MALRD1: variants seen among roughly 807,000 people sequenced by gnomAD.
MALRD1 encodes MAM and LDL-receptor class A domain-containing protein 1.
A neutral mutation model predicts 242.1 loss-of-function variants in MALRD1; 247 were observed. The observed-to-expected ratio is 1.02, with a 90% CI of 0.92 to 1.13. MALRD1 has a LOEUF of 1.13. Ranked by LOEUF, MALRD1 falls within the 50% of genes most tolerant of loss-of-function variation. MALRD1 has a pLI of 0.00. For synonymous variants in MALRD1, 995 were observed against 866.6 expected (o/e 1.15, Z -2.60); for missense variants, 2,989 against 2,533.1 (o/e 1.18, Z -3.86).
chr10:19,203,637 A>G (rs7902704), intron 14 of MALRD1, 91 bp from the exon 15 acceptor site: 371 of 1,295,308 alleles, frequency 2.9e-4, no homozygotes, highest in Non-Finnish European at 3.3e-4. Flanking sequence ...ATACAGAAGC[A>G]TAATAAGGTG....
chr10:19,128,281 C>T lies in MALRD1; in HGVS notation c.1004C>T (p.Ala335Val). Residue 335 changes from alanine (A) to valine (V), a missense_variant, in exon 8 of 40, where the codon GCT (alanine) becomes GTT (valine). By Grantham distance (64) the Ala-to-Val change is moderately conservative. Transcript: ENST00000454679. ...ACTCTTAACCATTTAGACAGCAGGG[C>T]TTACCTAAATAGCTCTGTGTGTCAT... The part of the protein sequence containing the change: ...GFTLNHLDSR[A>V]YLNSSVCHCL... The T allele has an allele frequency of 8.1e-7, 1 of 1,233,436 alleles. No homozygotes were observed. Among genetic ancestry groups the T allele is most frequent in the Non-Finnish European group, 1.0e-6 (1 of 987,792 alleles). 76.4% of individuals were successfully genotyped at this position (1,233,436 alleles called of 1,614,324 possible).
In MALRD1 at chr10:19,255,618, A is replaced by G. The variant is rs140587738; in HGVS notation, c.2992-2066A>G. Among the ~76,000 whole-genome samples the G allele has an allele frequency of 1.7e-3, 264 of 152,150 alleles. 2 individuals carry two copies. The highest frequency in any genetic ancestry group is 3.7e-3 in the Admixed American group (56 of 15,250). On this transcript the variant is annotated intron_variant, in intron 18 of 39. Transcript: ENST00000454679. ...ATTGAGACTATCATACAAATGGACA[A>G]TTTTAGTTTCTCAAATTGTAATTAT...
chr10:19,137,607 G>GAAA (rs34768480), intron 10 of MALRD1, among the ~76,000 whole-genome samples: 8 of 84,438 alleles, frequency 9.5e-5, no homozygotes, highest in South Asian at 3.5e-4. Context: ...GACTCCGTCT[G>GAAA]AAAAAAAAAA....
chr10:19,728,357 G>A (rs1244043921), intron 38 of MALRD1: 1 of 152,122 alleles, frequency 6.6e-6, no homozygotes, highest in Non-Finnish European at 1.5e-5. Flanking sequence ...CAGAAGACAA[G>A]TAGCTTCAAT....
At chr10:19,617,715 T>C (rs1474672766) in intron 36 of MALRD1, among the ~76,000 whole-genome samples, 2 of 151,968 alleles carry the variant, frequency 1.3e-5, no homozygotes, top group Non-Finnish European at 2.9e-5. Context: ...CAAGCACACA[T>C]ACACACACAA....
At chr10:19,553,682 A>G (rs1473464652) in intron 32 of MALRD1, among the ~76,000 whole-genome samples, 4 of 152,166 alleles carry the variant, frequency 2.6e-5, no homozygotes, top group Admixed American at 6.6e-5. Context: ...GAGCATATGT[A>G]TTTAAATTAT....
intron 1 of MALRD1, among the ~76,000 whole-genome samples, chr10:19,051,142 A>C (rs1191605907): frequency 6.6e-6 from 1 of 152,236 alleles, no homozygotes; most frequent in Non-Finnish European, 1.5e-5. Context: ...ACTTTAAAGC[A>C]TGAATTTCTT....
At chr10:19,229,137 T>G (rs2131688343) in intron 18 of MALRD1, among the ~76,000 whole-genome samples, 1 of 152,202 alleles carries the variant, frequency 6.6e-6, no homozygotes, top group African/African-American at 2.4e-5. Flanking sequence ...TGAAAAGAAT[T>G]TGCATTATTG....
At chr10:19,216,955 A>AAT (rs1159513423) in intron 18 of MALRD1, among the ~76,000 whole-genome samples, 1 of 33,850 alleles carries the variant, frequency 3.0e-5, no homozygotes, top group East Asian at 1.4e-3. Context: ...CAAAAAAAAA[A>AAT]AAATAAAAAT....
chr10:19,476,319 C>T (rs998099980), intron 29 of MALRD1, among the ~76,000 whole-genome samples: 1 of 152,136 alleles, frequency 6.6e-6, no homozygotes, highest in Non-Finnish European at 1.5e-5. Context: ...GATCAGTTGT[C>T]TATCCTTAGG....
chr10:19,367,880 A>G (rs894338932), intron 26 of MALRD1, among the ~76,000 whole-genome samples: 1 of 151,834 alleles, frequency 6.6e-6, no homozygotes, highest in African/African-American at 2.4e-5. Context: ...TTTTTTTCAT[A>G]CAATTGTTGG....
At chr10:19,187,254 G>A (rs540729531) in intron 14 of MALRD1, among the ~76,000 whole-genome samples, 2 of 152,086 alleles carry the variant, frequency 1.3e-5, no homozygotes, top group South Asian at 4.1e-4. Context: ...CTTATAATGA[G>A]TGAATAAATT....
In MALRD1 at chr10:19,615,739, A is replaced by G. The variant is rs560115175; in HGVS notation, c.6071-118A>G. The G allele has an allele frequency of 2.8e-5, 23 of 835,222 alleles. No homozygotes were observed. In the African/African-American group the frequency reaches 3.3e-4, roughly 12 times the overall value. 51.7% of individuals were successfully genotyped at this position (835,222 alleles called of 1,614,324 possible). A position where few individuals can be genotyped will look rare whatever the true frequency, so the allele number is the denominator to read the frequency against. On this transcript the variant is annotated intron_variant, in intron 35 of 39. Coordinates refer to ENST00000454679, the MANE Select transcript of MALRD1 (RefSeq NM_001142308.3). ...TATGGGAATTCTTTTGCTTTTTGCA[A>G]CTGGAAAGGAATTTACTCTTAGAGA...
chr10:19,379,882 C>T (rs1845761486), intron 26 of MALRD1, among the ~76,000 whole-genome samples: 1 of 151,948 alleles, frequency 6.6e-6, no homozygotes, highest in Non-Finnish European at 1.5e-5. Flanking sequence ...TTCCAAATAA[C>T]CTTGCAGTTT....
rs568421669 is a variant in MALRD1, at chr10:19,479,119, A to G, written c.5030-12398A>G. ...CTATTTGATCACTCAAAAGATATCTAGGTTTTGTGCTAGTATTGAGTATAT... is the reference window on the plus strand; with the variant it reads ...CTATTTGATCACTCAAAAGATATCTGGGTTTTGTGCTAGTATTGAGTATAT... On this transcript the variant is annotated intron_variant, in intron 29 of 39. Transcript: ENST00000454679. 3.3e-5 allele frequency among the ~76,000 whole-genome samples: 5 copies of G among 152,302 alleles called. No individual in the cohort carries two copies. In the East Asian group the frequency reaches 9.6e-4, roughly 29 times the overall value.
At chr10:19,673,065 A>AGGTCCT (rs1841995238) in intron 36 of MALRD1, among the ~76,000 whole-genome samples, 3 of 152,006 alleles carry the variant, frequency 2.0e-5, no homozygotes, top group Admixed American at 6.6e-5. Flanking sequence ...CTCTCCCACA[A>AGGTCCT]GGTCCTCTGC....
At chr10:19,639,317 A>T (rs1185465508) in intron 36 of MALRD1, among the ~76,000 whole-genome samples, 3 of 152,194 alleles carry the variant, frequency 2.0e-5, no homozygotes, top group Non-Finnish European at 2.9e-5. Context: ...GTCTTCTCTA[A>T]GGGATCTTGA....
At chr10:19,630,274 A>G (rs1839846355) in intron 36 of MALRD1, among the ~76,000 whole-genome samples, 1 of 152,192 alleles carries the variant, frequency 6.6e-6, no homozygotes, top group African/African-American at 2.4e-5. Flanking sequence ...ATATAAACAT[A>G]CACGTTGGTA....
intron 5 of MALRD1, among the ~76,000 whole-genome samples, chr10:19,116,572 G>T (rs1836877189): frequency 6.6e-6 from 1 of 152,120 alleles, no homozygotes; most frequent in Admixed American, 6.6e-5. Flanking sequence ...CTTGAGACTT[G>T]GACTTCATTT....
Sources: allele counts gnomAD v4.1 joint callset (sites outside exome capture counted in the v4.1 genomes callset), GRCh38; gene constraint gnomAD v4.1.1; transcripts MANE v1.5; gene names NCBI Gene and HGNC (gene_info 2026-07-23, HGNC 2026-07-21).